Variants in CDH4 observed in about 807,000 individuals in gnomAD.
CDH4 encodes the protein cadherin 4, also known as cadherin-4.
Under a neutral mutation model 86.0 loss-of-function variants are expected in CDH4, and 33 were observed. The ratio of observed to expected loss-of-function variants is 0.38; its 90% CI spans 0.29 to 0.51. CDH4 has a LOEUF of 0.51. Ranked by LOEUF, CDH4 falls within the 20% of genes least tolerant of loss-of-function variation. CDH4 has a pLI of 0.86. For synonymous variants in CDH4, 555 were observed against 549.4 expected (o/e 1.01, Z -0.14); for missense variants, 1,114 against 1,307.4 (o/e 0.85, Z 2.28).
intron 2 of CDH4, among the ~76,000 whole-genome samples, chr20:61,323,372 T>C (rs1370645167): frequency 2.0e-5 from 3 of 152,188 alleles, no homozygotes; most frequent in Non-Finnish European, 2.9e-5. Context: ...AAAGTCTTCA[T>C]CGAGTGAGTG....
intron 2 of CDH4, among the ~76,000 whole-genome samples, chr20:61,423,903 C>CCTGTGCGCACACATGCAGG (rs146154489): frequency 0.028 from 4,317 of 152,262 alleles, 96 homozygotes; most frequent in Non-Finnish European, 0.044. Flanking sequence ...CTTGTCACTC[C>CCTGTGCGCACACATGCAGG]CTGTGCGCAC....
At chr20:61,545,464 G>A (rs1401122910) in intron 2 of CDH4, among the ~76,000 whole-genome samples, 1 of 152,248 alleles carries the variant, frequency 6.6e-6, no homozygotes, top group Non-Finnish European at 1.5e-5. Context: ...TCCCCAGGCT[G>A]CACGGTGTCC....
rs932898676 is a variant in CDH4 at position 61,734,917 on chromosome 20, A to T, written c.170-8646A>T. On this transcript the variant is annotated intron_variant, in intron 2 of 15. Transcript: ENST00000614565. ...TCCCCAGGGCTGAGGCCCAGCGCAG[A>T]CGATAGCCCCCGCTCCCGAGAATCT... is the stretch of plus-strand genomic sequence containing the variant. 1.2e-4 allele frequency among the ~76,000 whole-genome samples: 19 copies of T among 152,136 alleles called. 1 individual carries two copies. Among genetic ancestry groups the T allele is most frequent in the Admixed American group, 1.2e-3 (19 of 15,276 alleles).
chr20:61,624,776 G>A (rs1429740161), intron 2 of CDH4, among the ~76,000 whole-genome samples: 1 of 152,242 alleles, frequency 6.6e-6, no homozygotes, highest in African/African-American at 2.4e-5. Flanking sequence ...CATGTTTGCA[G>A]AAGGAAGAAG....
intron 4 of CDH4, among the ~76,000 whole-genome samples, chr20:61,809,345 C>T (rs1308401521): frequency 6.6e-6 from 1 of 152,146 alleles, no homozygotes; most frequent in Non-Finnish European, 1.5e-5. Context: ...GATTCAAATT[C>T]ATCTATGATC....
At chr20:61,834,902 G>A (rs995835321) in intron 4 of CDH4, among the ~76,000 whole-genome samples, 7 of 152,180 alleles carry the variant, frequency 4.6e-5, no homozygotes, top group African/African-American at 1.7e-4. Context: ...CTCCTTGGAC[G>A]CCTCACATCT....
chr20:61,304,951 T>C (rs2123211976), intron 2 of CDH4, among the ~76,000 whole-genome samples: 1 of 152,146 alleles, frequency 6.6e-6, no homozygotes, highest in South Asian at 2.1e-4. Flanking sequence ...GTTGTATGTG[T>C]GTGTGTGCTT....
At chr20:61,914,252 T>C (rs2054881880) in intron 9 of CDH4, among the ~76,000 whole-genome samples, 1 of 152,152 alleles carries the variant, frequency 6.6e-6, no homozygotes, top group Non-Finnish European at 1.5e-5. Flanking sequence ...GCCACACAGG[T>C]AGCTGGGGCT....
In CDH4 at chr20:61,846,178, G is replaced by A. The variant is rs182507405; in HGVS notation, c.732+1355G>A. On this transcript the variant is annotated intron_variant, in intron 5 of 15. Coordinates refer to ENST00000614565, the MANE Select transcript of CDH4 (RefSeq NM_001794.5). ...GAGGTGGCTGCCCTAACCCCGGTCT[G>A]CACCGGGGCCTTATCAGTCCCTCAC... Among the ~76,000 whole-genome samples the A allele has an allele frequency of 4.0e-3, 606 of 152,360 alleles. 4 individuals are homozygous for A. Among genetic ancestry groups the A allele is most frequent in the Non-Finnish European group, 6.8e-3 (460 of 68,020 alleles).
At chr20:61,347,407 A>G (rs2084685764) in intron 2 of CDH4, among the ~76,000 whole-genome samples, 1 of 152,204 alleles carries the variant, frequency 6.6e-6, no homozygotes, top group Non-Finnish European at 1.5e-5. Context: ...AGGAAAAACA[A>G]AACTATCTAC....
intron 2 of CDH4, among the ~76,000 whole-genome samples, chr20:61,669,245 G>T (rs1301651934): frequency 6.6e-6 from 1 of 152,226 alleles, no homozygotes; most frequent in Admixed American, 6.5e-5. Context: ...GAGAGTTAAA[G>T]GGAGCCAGTC....
intron 7 of CDH4, among the ~76,000 whole-genome samples, chr20:61,881,771 A>G (rs1984290562): frequency 6.6e-6 from 1 of 152,222 alleles, no homozygotes; most frequent in Admixed American, 6.5e-5. Context: ...ACCTGGCCCA[A>G]TCAGCATCTG....
At chr20:61,351,389 C>T (rs941850063) in intron 2 of CDH4, among the ~76,000 whole-genome samples, 8 of 152,248 alleles carry the variant, frequency 5.3e-5, no homozygotes, top group African/African-American at 1.7e-4. Context: ...TGTGCTATTT[C>T]GTATCAGGGA....
At chr20:61,762,287 C>A (rs1315919105) in intron 3 of CDH4, among the ~76,000 whole-genome samples, 1 of 152,228 alleles carries the variant, frequency 6.6e-6, no homozygotes, top group Admixed American at 6.5e-5. Flanking sequence ...CTGACGTGAC[C>A]ACACAGCGGG....
chr20:61,612,781 A>T (rs182011686), intron 2 of CDH4, among the ~76,000 whole-genome samples: 1 of 152,092 alleles, frequency 6.6e-6, no homozygotes, highest in Non-Finnish European at 1.5e-5. Flanking sequence ...ACGGTTTTGC[A>T]TGCTGCATTT....
At chr20:61,837,354 AC>A (rs1600699829) in intron 4 of CDH4, among the ~76,000 whole-genome samples, 2 of 152,204 alleles carry the variant, frequency 1.3e-5, no homozygotes, top group East Asian at 3.9e-4. Flanking sequence ...AACTCTTCTG[AC>A]CCCTTCCAGC....
chr20:61,570,705 C>T (rs935465613), intron 2 of CDH4: 1 of 702,368 alleles, frequency 1.4e-6, no homozygotes, highest in Middle Eastern at 2.3e-4. Context: ...ATGCCAAAGT[C>T]AACAGGGATG....
chr20:61,927,690 G>C (rs2055059294), intron 11 of CDH4, among the ~76,000 whole-genome samples: 1 of 152,194 alleles, frequency 6.6e-6, no homozygotes. Flanking sequence ...AGCCCTCAGG[G>C]GCCAGTGCAG....
intron 6 of CDH4, among the ~76,000 whole-genome samples, chr20:61,853,954 G>A (rs1982864088): frequency 6.6e-6 from 1 of 152,202 alleles, no homozygotes; most frequent in African/African-American, 2.4e-5. Context: ...TAAATGTGAA[G>A]TTCAGAGAGT....
Sources: allele counts gnomAD v4.1 joint callset (sites outside exome capture counted in the v4.1 genomes callset), GRCh38; gene constraint gnomAD v4.1.1; transcripts MANE v1.5; gene names NCBI Gene and HGNC (gene_info 2026-07-23, HGNC 2026-07-21).